CSMD1: variants seen among roughly 807,000 people sequenced by gnomAD.
The protein encoded by CSMD1 is CUB and Sushi multiple domains 1, also known as CUB and sushi domain-containing protein 1.
In CSMD1, 213 loss-of-function variants were observed where a neutral mutation model predicts 417.5. That is an observed-to-expected ratio of 0.51 (90% CI 0.46 to 0.57). CSMD1 has a LOEUF of 0.57. Ranked by LOEUF, CSMD1 falls within the 20% of genes least tolerant of loss-of-function variation. The probability of loss-of-function intolerance (pLI) is 0.00; values close to 1 mark genes in which losing one functional copy is unlikely to be tolerated. For missense variants in CSMD1, 6,923 were observed against 4,529.7 expected (o/e 1.53, Z -15.17); for synonymous variants, 2,862 against 1,736.8 (o/e 1.65, Z -16.11).
chr8:3,873,770 T>G (rs34613833), intron 5 of CSMD1, among the ~76,000 whole-genome samples: 15,049 of 152,246 alleles, frequency 0.099, 783 homozygotes, highest in South Asian at 0.18. Context: ...TCAGATGGCC[T>G]GAACCAACGT....
At chr8:4,150,410 T>A (rs956255701) in intron 3 of CSMD1, among the ~76,000 whole-genome samples, 1 of 152,222 alleles carries the variant, frequency 6.6e-6, no homozygotes, top group Non-Finnish European at 1.5e-5. Context: ...TGGACTCTCT[T>A]ATCTTTGGAT....
intron 3 of CSMD1, among the ~76,000 whole-genome samples, chr8:4,103,265 T>TTATATA (rs143710123): frequency 0.86 from 129,240 of 150,028 alleles, 56,164 homozygotes; most frequent in South Asian, 0.96. Context: ...TATACATACA[T>TTATATA]TATATATATC....
In CSMD1 at chr8:3,037,959, C is replaced by A. The variant is rs141200597; in HGVS notation, c.7661-8446G>T. On this transcript the variant is annotated intron_variant, in intron 50 of 69. Transcript: ENST00000635120. Reference sequence around the variant, plus strand: ...ACCAGACTTTTCCTTATTCCTGCCACTACTGTTTTTTCCATTTGTGAAGCT... The same window carrying A: ...ACCAGACTTTTCCTTATTCCTGCCAATACTGTTTTTTCCATTTGTGAAGCT... Among the ~76,000 whole-genome samples the A allele has an allele frequency of 6.5e-3, 993 of 152,268 alleles. 10 individuals are homozygous for A. Among genetic ancestry groups the A allele is most frequent in the Middle Eastern group, 0.014 (4 of 294 alleles).
chr8:4,415,235 C>A (rs373107681), intron 3 of CSMD1, among the ~76,000 whole-genome samples: 4 of 152,092 alleles, frequency 2.6e-5, no homozygotes, highest in African/African-American at 9.7e-5. Flanking sequence ...CTGAACTCAG[C>A]CTCCATCAAC....
intron 3 of CSMD1, among the ~76,000 whole-genome samples, chr8:4,329,762 G>C (rs1010816566): frequency 2.0e-5 from 3 of 151,908 alleles, no homozygotes; most frequent in Admixed American, 1.3e-4. Flanking sequence ...AGAATGGCTT[G>C]GGCCATCCCC....
At chr8:4,180,913 T>C (rs903353901) in intron 3 of CSMD1, among the ~76,000 whole-genome samples, 3 of 152,156 alleles carry the variant, frequency 2.0e-5, no homozygotes, top group Non-Finnish European at 4.4e-5. Context: ...TATTTCTAAA[T>C]TTTCAAGGTG....
At chr8:3,546,026 T>C (rs892989460) in intron 10 of CSMD1, among the ~76,000 whole-genome samples, 3 of 152,242 alleles carry the variant, frequency 2.0e-5, no homozygotes, top group Non-Finnish European at 4.4e-5. Context: ...AAGATTTCTC[T>C]AATAAACCAA....
chr8:3,909,491 G>C (rs1390932168), intron 5 of CSMD1, among the ~76,000 whole-genome samples: 3 of 152,090 alleles, frequency 2.0e-5, no homozygotes. Flanking sequence ...TATCCAGAGA[G>C]CTTTCTCCCA....
At chr8:4,469,899 G>A (rs979388962) in intron 2 of CSMD1, among the ~76,000 whole-genome samples, 2 of 150,482 alleles carry the variant, frequency 1.3e-5, no homozygotes, top group Non-Finnish European at 3.0e-5. Context: ...ACGGAGTGTC[G>A]CTCTGTCGCC....
chr8:4,755,337 G>C (rs1323383523), intron 1 of CSMD1, among the ~76,000 whole-genome samples: 1 of 151,910 alleles, frequency 6.6e-6, no homozygotes, highest in Admixed American at 6.6e-5. Context: ...TTTTCCTTTT[G>C]GGATATTATC....
rs1799865647 is a variant in CSMD1 at position 4,204,536 on chromosome 8, T to G, written c.416-172437A>C. On this transcript the variant is annotated intron_variant, in intron 3 of 69. Transcript: ENST00000635120. ...TAATTTATTTCCTCACCTTTCAAAG[T>G]GTAGAAGAAATTATGACACCTTTTC... Among the ~76,000 whole-genome samples, 3 of 152,206 alleles carry G rather than the reference T, an allele frequency of 2.0e-5. No homozygotes were observed. In the East Asian group the frequency reaches 5.8e-4, roughly 29 times the overall value.
At chr8:4,176,000 T>C (rs1387545561) in intron 3 of CSMD1, among the ~76,000 whole-genome samples, 1 of 152,190 alleles carries the variant, frequency 6.6e-6, no homozygotes. Context: ...CTTGAGAGGC[T>C]AGCCCAGGCT....
chr8:4,260,901 G>A (rs756726074), intron 3 of CSMD1, among the ~76,000 whole-genome samples: 1 of 152,076 alleles, frequency 6.6e-6, no homozygotes, highest in Admixed American at 6.6e-5. Flanking sequence ...ATTATGATAG[G>A]AACACCACGG....
chr8:3,182,114 T>TTG, intron 36 of CSMD1, among the ~76,000 whole-genome samples: 1 of 151,980 alleles, frequency 6.6e-6, no homozygotes, highest in African/African-American at 2.4e-5. Context: ...TACTGCTGTA[T>TTG]AAAGGGAGAA....
At chr8:3,551,486 T>C (rs1798909281) in intron 10 of CSMD1, among the ~76,000 whole-genome samples, 1 of 151,834 alleles carries the variant, frequency 6.6e-6, no homozygotes, top group South Asian at 2.1e-4. Context: ...ACATAACTTT[T>C]ATTGTGACTG....
chr8:4,369,445 T>C (rs1032494989), intron 3 of CSMD1, among the ~76,000 whole-genome samples: 1 of 152,196 alleles, frequency 6.6e-6, no homozygotes, highest in African/African-American at 2.4e-5. Flanking sequence ...GTTTTATAGA[T>C]GTCTCTGACG....
At chr8:3,609,710 T>C (rs1232424740) in intron 8 of CSMD1, among the ~76,000 whole-genome samples, 1 of 147,338 alleles carries the variant, frequency 6.8e-6, no homozygotes, top group Admixed American at 6.9e-5. Flanking sequence ...GGATTACATG[T>C]TAGTCATTAG....
At chr8:4,411,812 G>C (rs902393246) in intron 3 of CSMD1, among the ~76,000 whole-genome samples, 3 of 152,098 alleles carry the variant, frequency 2.0e-5, no homozygotes, top group Non-Finnish European at 2.9e-5. Flanking sequence ...CATTCACATA[G>C]CTATGCAAAT....
At chr8:3,287,904 GTT>G (rs1803276166) in intron 25 of CSMD1, among the ~76,000 whole-genome samples, 1 of 144,044 alleles carries the variant, frequency 6.9e-6, no homozygotes, top group South Asian at 2.1e-4. Flanking sequence ...AATGCTTCCA[GTT>G]TTTGCCTATT....
Sources: allele counts gnomAD v4.1 joint callset (sites outside exome capture counted in the v4.1 genomes callset), GRCh38; gene constraint gnomAD v4.1.1; transcripts MANE v1.5; gene names NCBI Gene and HGNC (gene_info 2026-07-23, HGNC 2026-07-21).